Variants in RIMS1 observed in about 807,000 individuals in gnomAD.
The protein encoded by RIMS1 is regulating synaptic membrane exocytosis 1.
A neutral mutation model predicts 214.1 loss-of-function variants in RIMS1; 83 were observed. The observed-to-expected ratio is 0.39, with a 90% confidence interval of 0.32 to 0.47. The LOEUF (loss-of-function observed/expected upper bound fraction) is 0.47. RIMS1 is among the 20% of genes least tolerant of loss of function. The probability of loss-of-function intolerance (pLI) is 0.99; values close to 1 mark genes in which losing one functional copy is unlikely to be tolerated. For synonymous variants in RIMS1, 793 were observed against 786.8 expected (o/e 1.01, Z -0.13); for missense variants, 2,050 against 2,161.8 (o/e 0.95, Z 1.03).
chr6:71,929,264 G>A (rs1293890231), intron 1 of RIMS1, among the ~76,000 whole-genome samples: 3 of 152,158 alleles, frequency 2.0e-5, no homozygotes, highest in African/African-American at 7.2e-5. Context: ...TTGGTGGTCA[G>A]TATTGGCTCC....
chr6:72,218,013 T>C (rs1352992377), intron 6 of RIMS1, among the ~76,000 whole-genome samples: 2 of 152,182 alleles, frequency 1.3e-5, no homozygotes, highest in Non-Finnish European at 2.9e-5. Context: ...AGATCATCTA[T>C]TGATGATTTT....
chr6:72,213,229 A>G lies in RIMS1; in HGVS notation c.1679-20544A>G, dbSNP rs1001411795. The G allele has an allele frequency of 4.6e-6, 7 of 1,534,908 alleles. No individual in the cohort carries two copies. In the African/African-American group the frequency reaches 8.2e-5, roughly 18 times the overall value. On this transcript the variant is annotated intron_variant, in intron 6 of 33. Transcript: ENST00000521978. ...GCTCGACGAGCAGTTGCTGGTAAGC[A>G]ATAGATAATGGTAATCCCACTTCAT...
chr6:72,226,490 A>G (rs2060227422), intron 6 of RIMS1, among the ~76,000 whole-genome samples: 1 of 152,070 alleles, frequency 6.6e-6, no homozygotes, highest in Non-Finnish European at 1.5e-5. Flanking sequence ...TAAAATTACA[A>G]TAGTTATTTT....
chr6:72,284,561 T>G (rs548585143), intron 24 of RIMS1, among the ~76,000 whole-genome samples: 1 of 152,322 alleles, frequency 6.6e-6, no homozygotes, highest in East Asian at 1.9e-4. Flanking sequence ...AATATTCTAC[T>G]GGTATATTAT....
At chr6:72,231,979 T>G (rs2062141298) in intron 6 of RIMS1, among the ~76,000 whole-genome samples, 2 of 151,674 alleles carry the variant, frequency 1.3e-5, no homozygotes, top group African/African-American at 4.8e-5. Context: ...AGGAGTAGTT[T>G]TCAAGACCTA....
intron 23 of RIMS1, among the ~76,000 whole-genome samples, chr6:72,278,874 A>T (rs1023110981): frequency 6.6e-6 from 1 of 152,054 alleles, no homozygotes; most frequent in African/African-American, 2.4e-5. Context: ...AAATAGGGTG[A>T]TAGAGATTTG....
intron 6 of RIMS1, among the ~76,000 whole-genome samples, chr6:72,193,582 A>G (rs1183561062): frequency 2.6e-5 from 4 of 152,210 alleles, no homozygotes; most frequent in African/African-American, 7.2e-5. Context: ...ACCATTGCCT[A>G]CTAAGGGTGA....
intron 25 of RIMS1, among the ~76,000 whole-genome samples, chr6:72,291,422 T>C (rs1053038269): frequency 3.3e-5 from 5 of 152,226 alleles, no homozygotes; most frequent in Non-Finnish European, 5.9e-5. Flanking sequence ...ATTTTAAATA[T>C]CTTTCAAATT....
rs10526446 is a variant in RIMS1, at chr6:72,275,120, GTATATA to G, written c.3482+744_3482+749del. On this transcript the variant is annotated intron_variant, in intron 23 of 33. Transcript: ENST00000521978. ...GTTGACCCAGTTTTCCTATTTTATG[GTATATA>G]TATATATATATATATATATATATAT... Among the ~76,000 whole-genome samples, 13 of 81,486 alleles carry G rather than the reference GTATATA, an allele frequency of 1.6e-4. 1 individual carries two copies. Among genetic ancestry groups the G allele is most frequent in the Non-Finnish European group, 2.7e-4 (11 of 40,772 alleles). 53.5% of individuals were successfully genotyped at this position (81,486 alleles called of 152,430 possible). A position where few individuals can be genotyped will look rare whatever the true frequency, so the allele number is the denominator to read the frequency against.
chr6:71,927,095 GA>G (rs1212566532), intron 1 of RIMS1, among the ~76,000 whole-genome samples: 2 of 151,966 alleles, frequency 1.3e-5, no homozygotes, highest in African/African-American at 2.4e-5. Flanking sequence ...AAAGAAGGCA[GA>G]AAAAAATTTA....
At chr6:71,943,473 G>A (rs891886904) in intron 1 of RIMS1, among the ~76,000 whole-genome samples, 1 of 152,234 alleles carries the variant, frequency 6.6e-6, no homozygotes, top group East Asian at 1.9e-4. Context: ...ACATGGATGA[G>A]GAACCAGTCA....
chr6:72,186,128 G>A (rs2049060225), intron 6 of RIMS1, among the ~76,000 whole-genome samples: 2 of 152,210 alleles, frequency 1.3e-5, no homozygotes, highest in Middle Eastern at 3.2e-3. Context: ...TAGGCTATTA[G>A]TAGTTAAGGT....
At chr6:71,953,148 C>A (rs982473294) in intron 1 of RIMS1, among the ~76,000 whole-genome samples, 7 of 151,860 alleles carry the variant, frequency 4.6e-5, no homozygotes, top group Admixed American at 4.6e-4. Flanking sequence ...CCACCACACC[C>A]AGCTAATGTT....
intron 1 of RIMS1, among the ~76,000 whole-genome samples, chr6:71,958,968 G>T (rs1450886497): frequency 6.6e-6 from 1 of 152,120 alleles, no homozygotes; most frequent in Admixed American, 6.6e-5. Context: ...ACATGCAAAA[G>T]ATAGACAAAG....
chr6:72,293,516 G>A lies in RIMS1; in HGVS notation c.3850+1470G>A, dbSNP rs376721749. Among the ~76,000 whole-genome samples, 602 of 151,978 alleles carry A rather than the reference G, an allele frequency of 4.0e-3. 5 individuals are homozygous for A. Among genetic ancestry groups the A allele is most frequent in the African/African-American group, 0.014 (582 of 41,514 alleles). On this transcript the variant is annotated intron_variant, in intron 26 of 33. Coordinates refer to ENST00000521978, the MANE Select transcript of RIMS1 (RefSeq NM_014989.7). ...TTGCACAACTGAAAGAACTACAAATGTGGGTGTTTAGTTACAAACTCGGTC... is the reference window on the plus strand; with the variant it reads ...TTGCACAACTGAAAGAACTACAAATATGGGTGTTTAGTTACAAACTCGGTC...
chr6:72,060,110 G>GATT (rs534525714), intron 2 of RIMS1, among the ~76,000 whole-genome samples: 249 of 150,638 alleles, frequency 1.7e-3, no homozygotes, highest in East Asian at 3.1e-3. Flanking sequence ...AGCTAATTTT[G>GATT]ATTATTATTA....
At chr6:71,951,411 T>G (rs1789472290) in intron 1 of RIMS1, among the ~76,000 whole-genome samples, 1 of 152,056 alleles carries the variant, frequency 6.6e-6, no homozygotes, top group African/African-American at 2.4e-5. Flanking sequence ...AACCAAAAAT[T>G]TTGGAGTGCC....
At chr6:72,002,809 T>C (rs151051036) in intron 2 of RIMS1, among the ~76,000 whole-genome samples, 78 of 152,260 alleles carry the variant, frequency 5.1e-4, no homozygotes, top group African/African-American at 1.7e-3. Flanking sequence ...AGAACTCACC[T>C]GGAGTGTTGT....
intron 29 of RIMS1, among the ~76,000 whole-genome samples, chr6:72,384,301 A>G (rs2098547959): frequency 6.6e-6 from 1 of 152,074 alleles, no homozygotes; most frequent in African/African-American, 2.4e-5. Flanking sequence ...ACCTTTACAA[A>G]ATAGTCATAG....
Sources: gnomAD v4.1 joint callset for allele counts (sites outside exome capture counted in the v4.1 genomes callset) on GRCh38, gnomAD v4.1.1 for gene constraint, MANE v1.5 for transcripts, NCBI Gene and HGNC (gene_info 2026-07-23, HGNC 2026-07-21) for gene names.